Variants in SETD3 observed in about 807,000 individuals in gnomAD.
SETD3 encodes actin-histidine N-methyltransferase.
Under a neutral mutation model 63.0 loss-of-function variants are expected in SETD3, and 19 were observed. That is an observed-to-expected ratio of 0.30 (90% CI 0.21 to 0.44). SETD3 has a LOEUF of 0.44. Ranked by LOEUF, SETD3 falls within the 20% of genes least tolerant of loss-of-function variation. The probability of loss-of-function intolerance (pLI) is 1.00; values close to 1 mark genes in which losing one functional copy is unlikely to be tolerated. For synonymous variants in SETD3, 286 were observed against 264.1 expected (o/e 1.08, Z -0.80); for missense variants, 587 against 728.5 (o/e 0.81, Z 2.24).
chr14:99,465,903 T>C lies in SETD3; in HGVS notation c.-8-90A>G. 5 of 764,900 alleles carry C rather than the reference T, an allele frequency of 6.5e-6. 1 individual carries two copies. The Middle Eastern group carries it at 1.7e-3, about 257-fold the overall frequency. 47.4% of individuals were successfully genotyped at this position (764,900 alleles called of 1,614,324 possible). A position where few individuals can be genotyped will look rare whatever the true frequency, so the allele number is the denominator to read the frequency against. On this transcript the variant is annotated intron_variant, in intron 1 of 12. Coordinates refer to ENST00000331768, the MANE Select transcript of SETD3 (RefSeq NM_032233.3). ...ACATGTCCAACACATGGCAGTGTCTTAGTCTTCAGAGGCTAAGATCTTACC... is the reference window on the plus strand; with the variant it reads ...ACATGTCCAACACATGGCAGTGTCTCAGTCTTCAGAGGCTAAGATCTTACC...
intron 9 of SETD3, 92 bp downstream of exon 9, chr14:99,406,424 C>T: frequency 3.4e-6 from 4 of 1,192,412 alleles, no homozygotes; most frequent in South Asian, 1.3e-5. Context: ...ATTTTTTCCC[C>T]TAAGTTAAGT....
chr14:99,419,618 A>T (rs1175718007), intron 6 of SETD3, among the ~76,000 whole-genome samples: 1 of 151,838 alleles, frequency 6.6e-6, no homozygotes, highest in African/African-American at 2.4e-5. Context: ...TACTAAAAAT[A>T]CAAAAAATTA....
chr14:99,475,349 A>C (rs1895916709), intron 1 of SETD3, among the ~76,000 whole-genome samples: 8 of 152,264 alleles, frequency 5.3e-5, no homozygotes, highest in Admixed American at 5.2e-4. Context: ...GAAGGATATA[A>C]GACAGGCAGG....
chr14:99,456,909 AAG>A (rs1465487299), intron 6 of SETD3, among the ~76,000 whole-genome samples: 1 of 152,236 alleles, frequency 6.6e-6, no homozygotes, highest in Non-Finnish European at 1.5e-5. Flanking sequence ...CTGCCAACAG[AAG>A]AGAGTCCTCT....
chr14:99,453,055 CA>C (rs1436385500), intron 6 of SETD3, among the ~76,000 whole-genome samples: 4 of 151,544 alleles, frequency 2.6e-5, no homozygotes, highest in African/African-American at 7.3e-5. Context: ...ATGCCGAAAA[CA>C]AAAAAAACTG....
Position 99,404,227 on chromosome 14 carries a change from T to C in SETD3, c.1175A>G (p.Glu392Gly), listed in dbSNP as rs768619861. 2 of 1,612,972 alleles carry C rather than the reference T, an allele frequency of 1.2e-6. No individual in the cohort carries two copies. The highest frequency in any genetic ancestry group is 2.2e-5 in the South Asian group (2 of 90,924). ...LAFLRVFCMTEEELKEHLLGD... is the reference protein window; with the variant it reads ...LAFLRVFCMTGEELKEHLLGD... ...TCTTTTTTCCTGAAATGACTTACCT[T>C]CAGTCATACAGAATACTCGGAGAAA... The change falls in exon 11 of 13, where the codon GAA (glutamate) becomes GGA (glycine). Residue 392 changes from glutamate (E) to glycine (G), a missense_variant and splice_region_variant. Coordinates refer to ENST00000331768, the MANE Select transcript of SETD3 (RefSeq NM_032233.3).
chr14:99,481,578 T>G, upstream of SETD3: 1 of 397,324 alleles, frequency 2.5e-6, no homozygotes, highest in Non-Finnish European at 4.4e-6. Flanking sequence ...TGGCGGAGTC[T>G]CTCTTTCCGG....
In SETD3 at chr14:99,442,100, A is replaced by G. The variant is rs1400273691; in HGVS notation, c.675+16179T>C. On this transcript the variant is annotated intron_variant, in intron 6 of 12. Coordinates refer to ENST00000331768, the MANE Select transcript of SETD3 (RefSeq NM_032233.3). ...GAAGCGGCTGTGGAGGACACAGCAC[A>G]CTGACTGAGCACACCGGCTCCGCAT... 2.6e-5 allele frequency among the ~76,000 whole-genome samples: 4 copies of G among 152,330 alleles called. No individual in the cohort carries two copies. The East Asian group carries it at 7.7e-4, about 29-fold the overall frequency.
chr14:99,426,545 G>GAA (rs1300513802), intron 6 of SETD3, among the ~76,000 whole-genome samples: 1 of 152,184 alleles, frequency 6.6e-6, no homozygotes, highest in African/African-American at 2.4e-5. Context: ...ACCCAGCAGA[G>GAA]AGAGTCCTTA....
At chr14:99,432,899 G>A (rs558364289) in intron 6 of SETD3, among the ~76,000 whole-genome samples, 10 of 152,068 alleles carry the variant, frequency 6.6e-5, no homozygotes, top group African/African-American at 1.9e-4. Flanking sequence ...GTGGAGAACC[G>A]GTGGGCTAAA....
intron 1 of SETD3, among the ~76,000 whole-genome samples, 183 bp downstream of exon 1, chr14:99,480,545 G>A (rs1404928617): frequency 6.6e-6 from 1 of 150,790 alleles, no homozygotes; most frequent in Non-Finnish European, 1.5e-5. Flanking sequence ...TGGCCCCCGA[G>A]CGCACACCTG....
chr14:99,441,113 G>C (rs1483718663), intron 6 of SETD3, among the ~76,000 whole-genome samples: 1 of 152,228 alleles, frequency 6.6e-6, no homozygotes, highest in East Asian at 1.9e-4. Context: ...GTCATAGAGG[G>C]ACAAAAGTGT....
chr14:99,408,713 GC>G (rs1371791636), intron 8 of SETD3, among the ~76,000 whole-genome samples: 1 of 152,236 alleles, frequency 6.6e-6, no homozygotes, highest in African/African-American at 2.4e-5. Context: ...CCGGTCTGCA[GC>G]CCTTTCTCAG....
chr14:99,467,086 C>G (rs972502369), intron 1 of SETD3, among the ~76,000 whole-genome samples: 4 of 113,622 alleles, frequency 3.5e-5, no homozygotes, highest in Admixed American at 1.7e-4. Flanking sequence ...GCAAATATGG[C>G]CATGTGCTAA....
At chr14:99,441,323 C>A (rs939077053) in intron 6 of SETD3, among the ~76,000 whole-genome samples, 4 of 150,892 alleles carry the variant, frequency 2.7e-5, no homozygotes, top group Non-Finnish European at 4.4e-5. Context: ...GAGAGCCTGG[C>A]CACACGTGAC....
At chr14:99,476,152 G>A (rs1309250539) in intron 1 of SETD3, among the ~76,000 whole-genome samples, 1 of 152,206 alleles carries the variant, frequency 6.6e-6, no homozygotes, top group Non-Finnish European at 1.5e-5. Flanking sequence ...TGAGAAAGCT[G>A]ACGCTTACGG....
rs1463545812 is a variant in SETD3, at chr14:99,398,384, G to C, written c.*295C>G. Reference sequence around the variant, plus strand: ...AGACGGGAACTGAATTCTTCCCCAGGAAGAAAATACCTATACCCACAATAG... The same window carrying C: ...AGACGGGAACTGAATTCTTCCCCAGCAAGAAAATACCTATACCCACAATAG... On this transcript the variant is annotated 3_prime_UTR_variant, in exon 13 of 13. Transcript: ENST00000331768. 3.5e-6 allele frequency: 1 copy of C among 282,798 alleles called. No individual in the cohort carries two copies. Among genetic ancestry groups the C allele is most frequent in the African/African-American group, 2.2e-5 (1 of 45,890 alleles). 17.5% of individuals were successfully genotyped at this position (282,798 alleles called of 1,614,324 possible).
chr14:99,429,391 T>A (rs1893051203), intron 6 of SETD3, among the ~76,000 whole-genome samples: 1 of 151,630 alleles, frequency 6.6e-6, no homozygotes, highest in Admixed American at 6.6e-5. Flanking sequence ...AAAAGAAAAG[T>A]GAAGAAAAGG....
intron 4 of SETD3, 22 bp downstream of exon 4, chr14:99,461,170 G>A (rs770119766): frequency 1.2e-6 from 2 of 1,613,338 alleles, no homozygotes; most frequent in Non-Finnish European, 1.7e-6. Context: ...GACCCCTTGA[G>A]ACCAACATTT....
Sources: allele counts gnomAD v4.1 joint callset (sites outside exome capture counted in the v4.1 genomes callset), GRCh38; gene constraint gnomAD v4.1.1; transcripts MANE v1.5; gene names NCBI Gene and HGNC (gene_info 2026-07-23, HGNC 2026-07-21).